Variants in CDH4 observed in about 807,000 individuals in gnomAD.
CDH4 encodes cadherin 4, also known as cadherin-4.
CDH4 carries 33 observed loss-of-function variants against 86.0 expected under a neutral mutation model. That is an observed-to-expected ratio of 0.38 (90% confidence interval 0.29 to 0.51). The LOEUF (loss-of-function observed/expected upper bound fraction) is 0.51, where lower values mean the gene tolerates loss of function less well. Ranked by LOEUF, CDH4 falls within the 20% of genes least tolerant of loss-of-function variation. The pLI, the probability that CDH4 is intolerant of heterozygous loss-of-function variation, is 0.86. For missense variants in CDH4, 1,114 were observed against 1,307.4 expected (o/e 0.85, Z 2.28); for synonymous variants, 555 against 549.4 (o/e 1.01, Z -0.14).
intron 1 of CDH4, among the ~76,000 whole-genome samples, chr20:61,253,486 G>A (rs976775913): frequency 3.3e-5 from 5 of 152,000 alleles, no homozygotes; most frequent in Non-Finnish European, 7.4e-5. Context: ...GCCTTCTCCC[G>A]GGCAGCGCTG....
At chr20:61,440,605 C>A (rs527450246) in intron 2 of CDH4, among the ~76,000 whole-genome samples, 2 of 152,278 alleles carry the variant, frequency 1.3e-5, no homozygotes, top group African/African-American at 2.4e-5. Flanking sequence ...AAAATTTCAA[C>A]CCTGGTTTTC....
At chr20:61,538,867 C>A (rs1399366295) in intron 2 of CDH4, among the ~76,000 whole-genome samples, 1 of 152,214 alleles carries the variant, frequency 6.6e-6, no homozygotes, top group Non-Finnish European at 1.5e-5. Flanking sequence ...CTAATGGGGT[C>A]AGGCTCTTAG....
chr20:61,815,165 G>A lies in CDH4; in HGVS notation c.577-29503G>A, dbSNP rs181324606. ...TGGATTGCAAGAGATAGGACTGGGG[G>A]AGGTGGGGCAGAAAAAGCTAGTGGT... On this transcript the variant is annotated intron_variant, in intron 4 of 15. Coordinates refer to ENST00000614565, the MANE Select transcript of CDH4 (RefSeq NM_001794.5). 2.6e-4 allele frequency among the ~76,000 whole-genome samples: 39 copies of A among 152,284 alleles called. No individual in the cohort carries two copies. In the East Asian group the frequency reaches 4.1e-3, roughly 16 times the overall value.
rs2084067114 is a variant in CDH4, at chr20:61,252,521, C to T, written c.8C>T (p.Ala3Val). The T allele has an allele frequency of 8.4e-6, 10 of 1,191,470 alleles. No individual in the cohort carries two copies. Among genetic ancestry groups the T allele is most frequent in the Non-Finnish European group, 1.0e-5 (10 of 962,726 alleles). 73.8% of individuals were successfully genotyped at this position (1,191,470 alleles called of 1,614,324 possible). Residue 3 changes from alanine to valine, a missense_variant, in exon 1 of 16, where the codon GCG becomes GTG. By Grantham distance (64) the Ala-to-Val change is moderately conservative. Around this residue, in one of 3 missense-constraint regions of CDH4, gnomAD observed 221 missense variants for 209.5 expected, o/e 1.05. Coordinates refer to ENST00000614565, the MANE Select transcript of CDH4 (RefSeq NM_001794.5). The surrounding 1 kb of genome is among the most constrained non-coding windows in gnomAD (Gnocchi z 4.4). ...GGGCGGGCGGCGGGGAAGATGACCG[C>T]GGGCGCCGGCGTGCTCCTTCTGCTG... MT[A>V]GAGVLLLLLS...
chr20:61,494,913 G>T (rs760834039), intron 2 of CDH4, among the ~76,000 whole-genome samples: 5 of 152,212 alleles, frequency 3.3e-5, no homozygotes, highest in African/African-American at 4.8e-5. Flanking sequence ...ACATTCATTC[G>T]CCCAACCTGC....
chr20:61,302,850 C>A (rs1440595116), intron 2 of CDH4, among the ~76,000 whole-genome samples: 1 of 152,190 alleles, frequency 6.6e-6, no homozygotes, highest in Non-Finnish European at 1.5e-5. Context: ...TGCCATAGAA[C>A]CCCAAGGTCC....
Position 61,349,620 on chromosome 20 carries a change from G to A in CDH4, c.169+94683G>A, listed in dbSNP as rs76142012. ...ATGGACCTGGGGTATGGCACAGCAG[G>A]CCTCATCGGGAGGTCTGTGGAGTGA... is the stretch of plus-strand genomic sequence containing the variant. On this transcript the variant is annotated intron_variant, in intron 2 of 15. Coordinates refer to ENST00000614565, the MANE Select transcript of CDH4 (RefSeq NM_001794.5). Among the ~76,000 whole-genome samples the A allele has an allele frequency of 9.1e-3, 1,392 of 152,284 alleles. 14 individuals carry two copies. Among genetic ancestry groups the A allele is most frequent in the African/African-American group, 0.032 (1,314 of 41,564 alleles).
chr20:61,731,886 G>A (rs931887812), intron 2 of CDH4, among the ~76,000 whole-genome samples: 2 of 152,160 alleles, frequency 1.3e-5, no homozygotes, highest in East Asian at 1.9e-4. Flanking sequence ...TGGAGGGTGT[G>A]TCCCCTGGGA....
In CDH4 at chr20:61,854,782, T is replaced by C. The variant is rs1338584105; in HGVS notation, c.877+1884T>C. 2.9e-3 allele frequency among the ~76,000 whole-genome samples: 317 copies of C among 107,872 alleles called. No individual in the cohort carries two copies. In the Middle Eastern group the frequency reaches 0.048, roughly 16 times the overall value. 70.8% of individuals were successfully genotyped at this position (107,872 alleles called of 152,430 possible). ...TGAACAGGGTGAATTGTGCCCTTGG[T>C]CCACCCCCAGGGCTGCAGTGTGAAC... On this transcript the variant is annotated intron_variant, in intron 6 of 15. Transcript: ENST00000614565.
chr20:61,682,008 G>A (rs2087520217), intron 2 of CDH4, among the ~76,000 whole-genome samples: 2 of 152,222 alleles, frequency 1.3e-5, no homozygotes, highest in Admixed American at 1.3e-4. Flanking sequence ...GAGAACCTAT[G>A]GCTTCAGTGC....
intron 2 of CDH4, chr20:61,435,749 G>A (rs998595696): frequency 3.9e-5 from 6 of 152,286 alleles, no homozygotes; most frequent in South Asian, 2.1e-4. Flanking sequence ...GAGACGTCCT[G>A]CAGTCAGCTC....
At chr20:61,447,663 G>C (rs2085359952) in intron 2 of CDH4, among the ~76,000 whole-genome samples, 1 of 144,532 alleles carries the variant, frequency 6.9e-6, no homozygotes, top group Non-Finnish European at 1.5e-5. Flanking sequence ...GATGGTGCAT[G>C]GAAAATTTTA....
intron 6 of CDH4, among the ~76,000 whole-genome samples, chr20:61,860,264 C>T (rs768089120): frequency 6.6e-6 from 1 of 152,206 alleles, no homozygotes; most frequent in Non-Finnish European, 1.5e-5. Context: ...CTTTGAAAAC[C>T]ACCTATGTTC....
intron 4 of CDH4, among the ~76,000 whole-genome samples, chr20:61,822,241 G>T: frequency 6.6e-6 from 1 of 152,158 alleles, no homozygotes; most frequent in East Asian, 1.9e-4. Context: ...AAAATTGCTT[G>T]TGTAATGGAA....
chr20:61,486,976 G>A (rs1308633524), intron 2 of CDH4, among the ~76,000 whole-genome samples: 7 of 152,198 alleles, frequency 4.6e-5, no homozygotes. Context: ...TTATTCTCGT[G>A]TGTACCCAGT....
intron 7 of CDH4, among the ~76,000 whole-genome samples, chr20:61,883,888 A>AGACG (rs1227836189): frequency 1.3e-5 from 2 of 152,222 alleles, no homozygotes; most frequent in East Asian, 3.9e-4. Context: ...ACAGAGAAAC[A>AGACG]GACGGACAGA....
intron 9 of CDH4, among the ~76,000 whole-genome samples, chr20:61,920,920 GTGA>G (rs1481872959): frequency 2.0e-5 from 3 of 147,994 alleles, no homozygotes; most frequent in African/African-American, 7.5e-5. Context: ...TGGTGTCGTG[GTGA>G]TTGCATGGAA....
At chr20:61,881,502 G>A (rs925740053) in intron 7 of CDH4, among the ~76,000 whole-genome samples, 2 of 152,232 alleles carry the variant, frequency 1.3e-5, no homozygotes, top group African/African-American at 4.8e-5. Flanking sequence ...GCCCCACCTG[G>A]CAGCAGCGGC....
rs6061668 is a variant in CDH4, at chr20:61,393,409, T to C, written c.169+138472T>C. Among the ~76,000 whole-genome samples the C allele has an allele frequency of 0.65, 98,697 of 151,948 alleles. 33,202 individuals carry two copies. Among genetic ancestry groups the C allele is most frequent in the East Asian group, 0.87 (4,438 of 5,126 alleles). ...GATCAACAACCACCAGCCCCTCTGA[T>C]GTCGAGGACCCCCAGGGATTGGCAA... On this transcript the variant is annotated intron_variant, in intron 2 of 15. Coordinates refer to ENST00000614565, the MANE Select transcript of CDH4 (RefSeq NM_001794.5). The surrounding 1 kb of genome is among the most constrained non-coding windows in gnomAD (Gnocchi z 4.3).
Sources: allele counts gnomAD v4.1 joint callset (sites outside exome capture counted in the v4.1 genomes callset), GRCh38; gene constraint gnomAD v4.1.1; regional missense constraint gnomAD v4.1.1; non-coding constraint Gnocchi (gnomAD v3.1); transcripts MANE v1.5; gene names NCBI Gene and HGNC (gene_info 2026-07-23, HGNC 2026-07-21).